Variants in GPC6 observed in about 807,000 individuals in gnomAD.
GPC6 encodes glypican-6.
Under a neutral mutation model 55.2 loss-of-function variants are expected in GPC6, and 14 were observed. The ratio of observed to expected loss-of-function variants is 0.25; its 90% CI spans 0.17 to 0.40. The LOEUF is 0.40. Ranked by LOEUF, GPC6 falls within the 10% of genes least tolerant of loss-of-function variation. The probability of loss-of-function intolerance (pLI) is 1.00; values close to 1 mark genes in which losing one functional copy is unlikely to be tolerated. For synonymous variants in GPC6, 278 were observed against 259.6 expected (o/e 1.07, Z -0.68); for missense variants, 641 against 708.5 (o/e 0.90, Z 1.08).
intron 5 of GPC6, among the ~76,000 whole-genome samples, chr13:94,292,402 A>T (rs912617609): frequency 6.6e-6 from 1 of 152,186 alleles, no homozygotes; most frequent in Admixed American, 6.5e-5. Flanking sequence ...GAAGGTAAGG[A>T]AAAGGTAGCA....
At chr13:93,766,765 A>C (rs9561439) in intron 2 of GPC6, among the ~76,000 whole-genome samples, 12,997 of 152,096 alleles carry the variant, frequency 0.085, 868 homozygotes, top group East Asian at 0.29. Context: ...TTGTTGAAAC[A>C]GTCCCGTAAA....
At chr13:93,348,512 A>G (rs1342109554) in intron 1 of GPC6, among the ~76,000 whole-genome samples, 3 of 152,190 alleles carry the variant, frequency 2.0e-5, no homozygotes, top group African/African-American at 7.2e-5. Context: ...GGATGAGGTT[A>G]ATTGTTACCC....
At chr13:94,258,990 C>T (rs1891582677) in intron 4 of GPC6, among the ~76,000 whole-genome samples, 1 of 152,198 alleles carries the variant, frequency 6.6e-6, no homozygotes, top group Middle Eastern at 3.4e-3. Context: ...CCAGAAGCCC[C>T]TCACAAACTG....
chr13:93,672,529 A>C (rs1467606109), intron 2 of GPC6, among the ~76,000 whole-genome samples: 1 of 151,976 alleles, frequency 6.6e-6, no homozygotes, highest in Non-Finnish European at 1.5e-5. Flanking sequence ...TTTTTCTCTT[A>C]AAAATGTATA....
chr13:93,687,895 C>CT (rs11424192), intron 2 of GPC6, among the ~76,000 whole-genome samples: 17,685 of 146,588 alleles, frequency 0.12, 1,939 homozygotes, highest in African/African-American at 0.3. Flanking sequence ...GTGTGTTTGG[C>CT]TTTTTTTTTT....
chr13:93,836,069 C>T (rs889109488), intron 3 of GPC6: 5 of 152,212 alleles, frequency 3.3e-5, no homozygotes, highest in African/African-American at 1.2e-4. Context: ...ACGTCTGCTA[C>T]ATAGACTGAT....
chr13:94,129,458 C>T (rs974076463), intron 4 of GPC6, among the ~76,000 whole-genome samples: 2 of 152,108 alleles, frequency 1.3e-5, no homozygotes, highest in Non-Finnish European at 2.9e-5. Context: ...CACTCCATTT[C>T]CTTTCCAAGT....
intron 6 of GPC6, among the ~76,000 whole-genome samples, chr13:94,380,209 A>G (rs1336841957): frequency 3.9e-5 from 6 of 152,198 alleles, no homozygotes; most frequent in Non-Finnish European, 8.8e-5. Context: ...TTATTTTATT[A>G]TGGGACAGAA....
Position 93,574,594 on chromosome 13 carries a change from A to G in GPC6, c.319+29173A>G, listed in dbSNP as rs192462208. On this transcript the variant is annotated intron_variant, in intron 2 of 8. Transcript: ENST00000377047. ...CTAGGAAACGACTACACATACTAAAAATGCAACCATTTGAAGTGTATGATT... is the reference window on the plus strand; with the variant it reads ...CTAGGAAACGACTACACATACTAAAGATGCAACCATTTGAAGTGTATGATT... Among the ~76,000 whole-genome samples the G allele has an allele frequency of 1.1e-3, 160 of 152,258 alleles. 1 individual carries two copies. The highest frequency in any genetic ancestry group is 1.8e-3 in the Non-Finnish European group (121 of 68,026).
chr13:93,917,324 T>C (rs1188550586), intron 3 of GPC6, among the ~76,000 whole-genome samples: 1 of 152,116 alleles, frequency 6.6e-6, no homozygotes, highest in African/African-American at 2.4e-5. Context: ...TTAGAGACTA[T>C]CTACAAAGCA....
intron 1 of GPC6, among the ~76,000 whole-genome samples, chr13:93,542,182 T>C (rs77067676): frequency 0.38 from 57,509 of 152,034 alleles, 13,042 homozygotes; most frequent in Middle Eastern, 0.57. Flanking sequence ...CTTTAATCCA[T>C]CTTGAATTAA....
At chr13:93,351,288 A>G (rs939724134) in intron 1 of GPC6, among the ~76,000 whole-genome samples, 1 of 152,160 alleles carries the variant, frequency 6.6e-6, no homozygotes, top group Admixed American at 6.6e-5. Flanking sequence ...AATGATTAAT[A>G]TCTCAGGCAT....
At chr13:93,332,914 C>G (rs1357998030) in intron 1 of GPC6, among the ~76,000 whole-genome samples, 1 of 152,124 alleles carries the variant, frequency 6.6e-6, no homozygotes, top group African/African-American at 2.4e-5. Flanking sequence ...CATTCTTTTG[C>G]ATATAGATAT....
chr13:93,416,010 T>A (rs1876684364), intron 1 of GPC6, among the ~76,000 whole-genome samples: 1 of 152,126 alleles, frequency 6.6e-6, no homozygotes, highest in Non-Finnish European at 1.5e-5. Flanking sequence ...TTATATGGTT[T>A]AACCTAACAA....
intron 4 of GPC6, among the ~76,000 whole-genome samples, chr13:94,080,048 T>C (rs927749432): frequency 5.9e-5 from 9 of 152,220 alleles, no homozygotes; most frequent in African/African-American, 2.2e-4. Flanking sequence ...TCCCTCTTTC[T>C]GGGACAACAT....
chr13:93,653,647 A>G (rs1480331116), intron 2 of GPC6, among the ~76,000 whole-genome samples: 1 of 149,872 alleles, frequency 6.7e-6, no homozygotes, highest in Non-Finnish European at 1.5e-5. Context: ...TAAAAAAAAT[A>G]TATATTTTTC....
intron 1 of GPC6, among the ~76,000 whole-genome samples, chr13:93,386,761 A>G (rs1334110595): frequency 1.3e-5 from 2 of 152,204 alleles, no homozygotes; most frequent in Admixed American, 1.3e-4. Flanking sequence ...GAGACCAGAA[A>G]TCAGAAATCA....
intron 4 of GPC6, among the ~76,000 whole-genome samples, chr13:94,104,231 C>G (rs1380888898): frequency 1.3e-5 from 2 of 152,100 alleles, no homozygotes; most frequent in Non-Finnish European, 2.9e-5. Context: ...CTGTTCTGTT[C>G]CATTGGTCTA....
intron 2 of GPC6, among the ~76,000 whole-genome samples, chr13:93,693,077 G>A (rs188839215): frequency 1.1e-3 from 164 of 152,184 alleles, no homozygotes; most frequent in African/African-American, 3.7e-3. Flanking sequence ...TAGAGGAGAG[G>A]AAATTTCTGG....
Sources: allele counts gnomAD v4.1 joint callset (sites outside exome capture counted in the v4.1 genomes callset), GRCh38; gene constraint gnomAD v4.1.1; transcripts MANE v1.5; gene names NCBI Gene and HGNC (gene_info 2026-07-23, HGNC 2026-07-21).